The following RHEX variants were observed in gnomAD, a reference collection of about 807,000 sequenced individuals.
The protein encoded by RHEX is regulator of hemoglobinization and erythroid cell expansion.
Under a neutral mutation model 20.1 loss-of-function variants are expected in RHEX, and 18 were observed. The ratio of observed to expected loss-of-function variants is 0.90; its 90% CI spans 0.62 to 1.33. The LOEUF is 1.33. RHEX is among the 40% of genes most tolerant of loss of function. The probability of loss-of-function intolerance (pLI) is 0.00; values close to 1 mark genes in which losing one functional copy is unlikely to be tolerated. For missense variants in RHEX, 192 were observed against 214.3 expected (o/e 0.90, Z 0.65); for synonymous variants, 87 against 77.1 (o/e 1.13, Z -0.67).
At chr1:206,069,343 C>T (rs1251833588) in intron 1 of RHEX, among the ~76,000 whole-genome samples, 5 of 152,194 alleles carry the variant, frequency 3.3e-5, no homozygotes, top group African/African-American at 1.2e-4. Flanking sequence ...TTGAGAAAAC[C>T]TACCGCAGGA....
chr1:206,091,267 C>A (rs1479209886), intron 1 of RHEX, among the ~76,000 whole-genome samples: 1 of 151,894 alleles, frequency 6.6e-6, no homozygotes, highest in African/African-American at 2.4e-5. Flanking sequence ...TATTCAATAC[C>A]CTTATTATTA....
Position 206,067,433 on chromosome 1 carries a change from G to A in RHEX, c.-97+14168G>A, listed in dbSNP as rs1662442378. On this transcript the variant is annotated intron_variant, in intron 1 of 5. Coordinates refer to ENST00000331555, the MANE Select transcript of RHEX (RefSeq NM_001007544.4). The surrounding 1 kb of genome is among the most constrained non-coding windows in gnomAD (Gnocchi z 4.6). ...TATGAGAGACATTAATGGGTGTAGGGATAGAGAGATTAAATGAGACCTATG... is the reference window on the plus strand; with the variant it reads ...TATGAGAGACATTAATGGGTGTAGGAATAGAGAGATTAAATGAGACCTATG... 6.6e-6 allele frequency among the ~76,000 whole-genome samples: 1 copy of A among 152,226 alleles called. No homozygotes were observed. The highest frequency in any genetic ancestry group is 2.4e-5 in the African/African-American group (1 of 41,450).
chr1:206,074,977 C>T (rs1162730121), intron 1 of RHEX, among the ~76,000 whole-genome samples: 1 of 152,242 alleles, frequency 6.6e-6, no homozygotes, highest in Non-Finnish European at 1.5e-5. Context: ...CCACAATGCC[C>T]CACAGGGGGC....
chr1:206,055,355 G>A (rs375314243), intron 1 of RHEX, among the ~76,000 whole-genome samples: 23 of 152,358 alleles, frequency 1.5e-4, no homozygotes, highest in African/African-American at 4.6e-4. Context: ...ATCCCCGAGC[G>A]GATGTGTGAT....
At chr1:206,064,263 G>C (rs1489928293) in intron 1 of RHEX, among the ~76,000 whole-genome samples, 21 of 140,086 alleles carry the variant, frequency 1.5e-4, no homozygotes, top group African/African-American at 2.5e-4. Context: ...AGGGAGGTGG[G>C]GGGGGTCAGC....
At chr1:206,069,013 G>A (rs1662481044) in intron 1 of RHEX, among the ~76,000 whole-genome samples, 1 of 152,192 alleles carries the variant, frequency 6.6e-6, no homozygotes, top group South Asian at 2.1e-4. Context: ...AAATGGGATG[G>A]TTATGCCCAG....
intron 1 of RHEX, among the ~76,000 whole-genome samples, chr1:206,063,236 G>A (rs1200905644): frequency 6.6e-6 from 1 of 152,198 alleles, no homozygotes; most frequent in Non-Finnish European, 1.5e-5. Context: ...AGATGAATGT[G>A]TCTGGAATGG....
At chr1:206,054,134 A>G (rs1461381671) in intron 1 of RHEX, among the ~76,000 whole-genome samples, 1 of 152,350 alleles carries the variant, frequency 6.6e-6, no homozygotes, top group South Asian at 2.1e-4. Flanking sequence ...TTCAAAAAAA[A>G]AAAAAAGTGG....
intron 1 of RHEX, among the ~76,000 whole-genome samples, chr1:206,070,822 C>T (rs1238816674): frequency 1.3e-5 from 2 of 152,146 alleles, no homozygotes; most frequent in African/African-American, 4.8e-5. Flanking sequence ...TCCTATCAGC[C>T]GTCAGTCTTG....
At chr1:206,057,385 AT>A (rs1175275781) in intron 1 of RHEX, among the ~76,000 whole-genome samples, 1 of 152,258 alleles carries the variant, frequency 6.6e-6, no homozygotes, top group East Asian at 1.9e-4. Flanking sequence ...ACAGTATTGC[AT>A]AGCTAGAGAA....
At chr1:206,073,602 T>G (rs548538701) in intron 1 of RHEX, among the ~76,000 whole-genome samples, 1 of 152,210 alleles carries the variant, frequency 6.6e-6, no homozygotes, top group South Asian at 2.1e-4. Flanking sequence ...CTATGCATAC[T>G]GGGCCCCGTG....
chr1:206,079,059 C>CA (rs1662687916), intron 1 of RHEX, among the ~76,000 whole-genome samples: 1 of 152,162 alleles, frequency 6.6e-6, no homozygotes, highest in Non-Finnish European at 1.5e-5. Flanking sequence ...TTAACCCCCC[C>CA]AGTCTTGAGT....
intron 1 of RHEX, among the ~76,000 whole-genome samples, chr1:206,084,464 G>T (rs1234569347): frequency 6.6e-6 from 1 of 152,184 alleles, no homozygotes; most frequent in Non-Finnish European, 1.5e-5. Flanking sequence ...GAGGCGCCAT[G>T]GTGTTAAGGG....
At chr1:206,080,982 T>TACACACACACAC (rs71152465) in intron 1 of RHEX, among the ~76,000 whole-genome samples, 4 of 149,798 alleles carry the variant, frequency 2.7e-5, no homozygotes, top group African/African-American at 9.8e-5. Context: ...TTTTTGTACA[T>TACACACACACAC]ACACACACAC....
At position 206,098,063 on chromosome 1, in the gene RHEX, C is replaced by CT; in HGVS notation, c.12-13dup. ...ATCCTTGCAATCTCTGACTTTGCCC[C>CT]TTTTTCTTTCCCAACAGAGTCATGG... On this transcript the variant is annotated splice_polypyrimidine_tract_variant and intron_variant, in intron 2 of 5. Coordinates refer to ENST00000331555, the MANE Select transcript of RHEX (RefSeq NM_001007544.4). 1 of 1,601,766 alleles carries CT rather than the reference C, an allele frequency of 6.2e-7. No individual in the cohort carries two copies. Among genetic ancestry groups the CT allele is most frequent in the Non-Finnish European group, 8.6e-7 (1 of 1,168,692 alleles).
chr1:206,097,833 T>C lies in RHEX; in HGVS notation c.5T>C (p.Leu2Pro), dbSNP rs1663105828. 6.2e-7 allele frequency: 1 copy of C among 1,609,872 alleles called. No homozygotes were observed. Among genetic ancestry groups the C allele is most frequent in the South Asian group, 1.1e-5 (1 of 91,000 alleles). ...CTTATCAGCAAGGAGCTCATCATGC[T>C]GACAGAGTGAGTGGGCCCAACAAGA... M[L>P]TEVMEVWHGL... The change falls in exon 2 of 6, where the codon CTG (leucine) becomes CCG (proline). Residue 2 changes from leucine to proline, a missense_variant. Leu to Pro is a moderately conservative substitution (Grantham distance 98, BLOSUM62 -3). Transcript: ENST00000331555.
chr1:206,080,550 C>T (rs1041148881), intron 1 of RHEX, among the ~76,000 whole-genome samples: 4 of 152,136 alleles, frequency 2.6e-5, no homozygotes, highest in Non-Finnish European at 4.4e-5. Flanking sequence ...TTATCGACCT[C>T]GATCAGAGGT....
At chr1:206,072,043 A>G (rs60502047) in intron 1 of RHEX, among the ~76,000 whole-genome samples, 2,831 of 152,280 alleles carry the variant, frequency 0.019, 80 homozygotes, top group African/African-American at 0.065. Context: ...TGTCTCAGGT[A>G]CCATTTAGCA....
At chr1:206,060,495 C>T (rs1460747114) in intron 1 of RHEX, 3 of 152,468 alleles carry the variant, frequency 2.0e-5, no homozygotes, top group African/African-American at 7.2e-5. Flanking sequence ...AGGTGGGCTC[C>T]TGGGGAAGGA....
Sources: gnomAD v4.1 joint callset for allele counts (sites outside exome capture counted in the v4.1 genomes callset) on GRCh38, gnomAD v4.1.1 for gene constraint, Gnocchi (gnomAD v3.1) non-coding constraint, MANE v1.5 for transcripts, NCBI Gene and HGNC (gene_info 2026-07-23, HGNC 2026-07-21) for gene names.